RRAS2: variants seen among roughly 807,000 people sequenced by gnomAD.
The protein encoded by RRAS2 is RAS related 2.
Under a neutral mutation model 27.6 loss-of-function variants are expected in RRAS2, and 7 were observed. The ratio of observed to expected loss-of-function variants is 0.25; its 90% CI spans 0.14 to 0.48. The LOEUF is 0.48. Among genes scored for constraint, RRAS2 ranks in the 20% least tolerant of loss-of-function variants. RRAS2 has a pLI of 0.99. For missense variants in RRAS2, 178 were observed against 256.2 expected (o/e 0.69, Z 2.08); for synonymous variants, 86 against 90.9 (o/e 0.95, Z 0.31).
upstream of RRAS2, among the ~76,000 whole-genome samples, chr11:14,359,879 G>C (rs1170597613): frequency 1.3e-5 from 2 of 152,254 alleles, no homozygotes; most frequent in East Asian, 3.9e-4. Flanking sequence ...CGGCCTCATG[G>C]GGTTTTTAAT....
chr11:14,307,355 G>A (rs56019902), intron 1 of RRAS2, among the ~76,000 whole-genome samples: 3,018 of 152,164 alleles, frequency 0.02, 39 homozygotes, highest in Non-Finnish European at 0.031. Flanking sequence ...GGGGAAATGT[G>A]ATGAAATACA....
chr11:14,349,122 C>T (rs1004919859), intron 1 of RRAS2, among the ~76,000 whole-genome samples: 9 of 151,638 alleles, frequency 5.9e-5, no homozygotes, highest in Non-Finnish European at 2.9e-5. Flanking sequence ...CCCGCGACCA[C>T]GCCCGGCTAA....
upstream of RRAS2, among the ~76,000 whole-genome samples, chr11:14,359,982 G>C (rs1849166701): frequency 1.3e-5 from 2 of 152,240 alleles, no homozygotes; most frequent in African/African-American, 4.8e-5. Flanking sequence ...ACTTCACTTG[G>C]TAACTCATTT....
chr11:14,282,285 T>A (rs995380042), intron 4 of RRAS2, among the ~76,000 whole-genome samples: 8 of 152,218 alleles, frequency 5.3e-5, no homozygotes, highest in Non-Finnish European at 1.0e-4. Flanking sequence ...TCAGAGGCCA[T>A]AAGGTCTCTT....
At chr11:14,324,427 C>CAAAAAAA (rs77185501) in intron 1 of RRAS2, among the ~76,000 whole-genome samples, 2 of 90,514 alleles carry the variant, frequency 2.2e-5, no homozygotes, top group Non-Finnish European at 4.7e-5. Flanking sequence ...AAACAGAGGC[C>CAAAAAAA]AAAAAAAAAA....
At chr11:14,306,386 T>A (rs1027690756) in intron 1 of RRAS2, among the ~76,000 whole-genome samples, 1 of 152,138 alleles carries the variant, frequency 6.6e-6, no homozygotes, top group African/African-American at 2.4e-5. Context: ...CAGGCTGGTG[T>A]CGAACTCTAG....
At chr11:14,300,668 G>A (rs1324191311) in intron 1 of RRAS2, among the ~76,000 whole-genome samples, 8 of 152,132 alleles carry the variant, frequency 5.3e-5, no homozygotes, top group Admixed American at 5.2e-4. Context: ...GGATAAGCAG[G>A]ATAATCCTGC....
intron 1 of RRAS2, among the ~76,000 whole-genome samples, chr11:14,324,256 A>C (rs557109862): frequency 6.6e-6 from 1 of 152,188 alleles, no homozygotes; most frequent in South Asian, 2.1e-4. Flanking sequence ...TGTCGAAAAA[A>C]TAAACAGCAA....
At chr11:14,352,765 A>AGAGAGAGAGAGAGG (rs1848987505) in intron 1 of RRAS2, among the ~76,000 whole-genome samples, 1 of 150,018 alleles carries the variant, frequency 6.7e-6, no homozygotes, top group South Asian at 2.1e-4. Flanking sequence ...ATAGAGAGAG[A>AGAGAGAGAGAGAGG]GAGAGAGAGA....
In RRAS2 at chr11:14,296,370, G is replaced by A. The variant is rs192982609; in HGVS notation, c.109-515C>T. Among the ~76,000 whole-genome samples, 39 of 152,202 alleles carry A rather than the reference G, an allele frequency of 2.6e-4. No homozygotes were observed. The South Asian group carries it at 3.9e-3, about 15-fold the overall frequency. On this transcript the variant is annotated intron_variant, in intron 1 of 5. Transcript: ENST00000256196. Reference sequence around the variant, plus strand: ...CAAATGTTCTTATGAGCACCTTCACGTGAAGAAAAGGTACTAGGTATCTCT... The same window carrying A: ...CAAATGTTCTTATGAGCACCTTCACATGAAGAAAAGGTACTAGGTATCTCT...
chr11:14,320,033 G>A (rs1389792503), intron 1 of RRAS2, among the ~76,000 whole-genome samples: 3 of 152,300 alleles, frequency 2.0e-5, no homozygotes, highest in South Asian at 4.1e-4. Flanking sequence ...GTCACCATGA[G>A]AGAGTATAAA....
chr11:14,281,210 T>G (rs7941132), intron 5 of RRAS2, among the ~76,000 whole-genome samples: 12,891 of 152,252 alleles, frequency 0.085, 741 homozygotes, highest in African/African-American at 0.15. Context: ...CTTCTTTCTC[T>G]GTACCCCCAT....
At position 14,345,569 on chromosome 11, in the gene RRAS2, G is replaced by A. The variant is rs534201025; in HGVS notation, c.108+13194C>T. The stretch of plus-strand genomic sequence containing the variant: ...TACAGAAGAACAAAAGAAGGAAAAA[G>A]GGATCGTTTTCTAATCCATAACCTT... On this transcript the variant is annotated intron_variant, in intron 1 of 5. Coordinates refer to ENST00000256196, the MANE Select transcript of RRAS2 (RefSeq NM_012250.6). Among the ~76,000 whole-genome samples the A allele has an allele frequency of 1.3e-4, 20 of 152,224 alleles. No homozygotes were observed. The South Asian group carries it at 3.9e-3, about 30-fold the overall frequency.
At chr11:14,316,155 T>C (rs1324727839) in intron 1 of RRAS2, among the ~76,000 whole-genome samples, 2 of 152,210 alleles carry the variant, frequency 1.3e-5, no homozygotes, top group African/African-American at 2.4e-5. Context: ...TATTTGACTG[T>C]TTCCTCATTT....
chr11:14,364,393 T>C, exon 1 of RRAS2: 1 of 1,536,002 alleles, frequency 6.5e-7, no homozygotes, highest in Non-Finnish European at 8.7e-7. Context: ...ATACTTACCA[T>C]GGGTGATGGA....
chr11:14,341,682 T>C, intron 1 of RRAS2: 1 of 319,374 alleles, frequency 3.1e-6, no homozygotes, highest in South Asian at 2.8e-5. Flanking sequence ...ATGATACCTT[T>C]AACACCAAAT....
At chr11:14,338,389 G>A (rs1554952815) in intron 1 of RRAS2, among the ~76,000 whole-genome samples, 2 of 152,270 alleles carry the variant, frequency 1.3e-5, no homozygotes, top group East Asian at 3.9e-4. Context: ...TGGAATATCT[G>A]CATATACATG....
Position 14,296,322 on chromosome 11 carries a change from T to TA in RRAS2, c.109-468dup, listed in dbSNP as rs555931436. ...AAAACATTTTCACTGTACTAGGGTT[T>TA]ACCCTCTATGACAATTCCCCACCAA... On this transcript the variant is annotated intron_variant, in intron 1 of 5. Coordinates refer to ENST00000256196, the MANE Select transcript of RRAS2 (RefSeq NM_012250.6). Among the ~76,000 whole-genome samples, 425 of 152,328 alleles carry TA rather than the reference T, an allele frequency of 2.8e-3. 1 individual carries two copies. The highest frequency in any genetic ancestry group is 9.8e-3 in the African/African-American group (409 of 41,580).
intron 1 of RRAS2, among the ~76,000 whole-genome samples, chr11:14,343,016 G>T (rs143047581): frequency 4.5e-4 from 69 of 152,254 alleles, no homozygotes; most frequent in Middle Eastern, 3.4e-3. Context: ...GTTTTTAAAA[G>T]AAAAGGAATG....
Sources: gnomAD v4.1 joint callset for allele counts (sites outside exome capture counted in the v4.1 genomes callset) on GRCh38, gnomAD v4.1.1 for gene constraint, MANE v1.5 for transcripts, NCBI Gene and HGNC (gene_info 2026-07-23, HGNC 2026-07-21) for gene names.